The following NCOR2 variants were observed in gnomAD, a reference collection of about 807,000 sequenced individuals.
The protein encoded by NCOR2 is nuclear receptor corepressor 2, also known as CTG repeat protein 26.
In NCOR2, 81 loss-of-function variants were observed where a neutral mutation model predicts 262.9. That is an observed-to-expected ratio of 0.31 (90% confidence interval 0.26 to 0.37). NCOR2 has a LOEUF of 0.37. Ranked by LOEUF, NCOR2 falls within the 10% of genes least tolerant of loss-of-function variation. The pLI is 1.00. For synonymous variants in NCOR2, 1,659 were observed against 1,559.3 expected, an observed-to-expected ratio of 1.06 and a Z score of -1.51; for missense variants, 3,385 against 3,621.4, an observed-to-expected ratio of 0.93 and a Z score of 1.68.
chr12:124,559,995 C>T (rs2052016256), intron 1 of NCOR2, among the ~76,000 whole-genome samples: 1 of 152,220 alleles, frequency 6.6e-6, no homozygotes, highest in Non-Finnish European at 1.5e-5. Context: ...TTTCCTACTG[C>T]ATTCTACAAC....
At chr12:124,354,027 G>T (rs899781662) in intron 27 of NCOR2, 66 bp downstream of exon 29, 8 of 1,414,182 alleles carry the variant, frequency 5.7e-6, no homozygotes, top group Non-Finnish European at 7.8e-6. Context: ...ACAATGAGGG[G>T]TTATAAGATG....
At chr12:124,479,480 GACACACACAGGCACATGCGCGCATAC>G (rs1443291693) in intron 3 of NCOR2, among the ~76,000 whole-genome samples, 3 of 145,714 alleles carry the variant, frequency 2.1e-5, no homozygotes, top group African/African-American at 7.6e-5. Flanking sequence ...AACACGCAGG[GACACACACAGGCACATGCGCGCATAC>G]ACACGCACAT....
chr12:124,538,207 G>C (rs1298485788), upstream of NCOR2: 1 of 152,734 alleles, frequency 6.5e-6, no homozygotes, highest in Admixed American at 6.5e-5. Flanking sequence ...AGGGTGTCCC[G>C]GTGGCATGGG....
intron 1 of NCOR2, among the ~76,000 whole-genome samples, chr12:124,524,348 G>C (rs568337195): frequency 2.6e-5 from 4 of 152,136 alleles, no homozygotes; most frequent in Non-Finnish European, 5.9e-5. Context: ...TCTGAGTTTG[G>C]GACATCCCCT....
At chr12:124,417,491 G>A (rs577954913) in intron 13 of NCOR2, among the ~76,000 whole-genome samples, 2 of 152,276 alleles carry the variant, frequency 1.3e-5, no homozygotes, top group South Asian at 2.1e-4. Context: ...CAGCTACCAG[G>A]AAGGGCTCCC....
intron 1 of NCOR2, among the ~76,000 whole-genome samples, chr12:124,510,217 T>G (rs890766651): frequency 6.6e-6 from 1 of 152,204 alleles, no homozygotes; most frequent in Non-Finnish European, 1.5e-5. Flanking sequence ...CAGGCACTGA[T>G]GCACCCCAGC....
chr12:124,538,920 C>G (rs990388715), upstream of NCOR2: 1 of 152,312 alleles, frequency 6.6e-6, no homozygotes, highest in African/African-American at 2.4e-5. Context: ...GGCCAGGAAA[C>G]TGCTGCTCTG....
intron 17 of NCOR2, among the ~76,000 whole-genome samples, chr12:124,381,691 G>T (rs1348709070): frequency 6.6e-6 from 1 of 152,252 alleles, no homozygotes; most frequent in Non-Finnish European, 1.5e-5. Context: ...ACATTTCGTG[G>T]CTGGACCATC....
chr12:124,543,401 C>T (rs933750201), intron 1 of NCOR2, among the ~76,000 whole-genome samples: 6 of 152,250 alleles, frequency 3.9e-5, no homozygotes, highest in Admixed American at 3.9e-4. Flanking sequence ...ACGTGCATCT[C>T]CACTGTCCGG....
intron 1 of NCOR2, among the ~76,000 whole-genome samples, chr12:124,563,503 G>A (rs2052136419): frequency 1.3e-5 from 2 of 152,234 alleles, no homozygotes; most frequent in African/African-American, 4.8e-5. Context: ...GAATGAAGCC[G>A]CCATCTGCCC....
At chr12:124,403,277 T>C (rs2042081328) in intron 13 of NCOR2, among the ~76,000 whole-genome samples, 1 of 152,174 alleles carries the variant, frequency 6.6e-6, no homozygotes. Flanking sequence ...CTCCCTCGCA[T>C]GCCAGCACCC....
intron 16 of NCOR2, among the ~76,000 whole-genome samples, chr12:124,390,623 T>C: frequency 6.6e-6 from 1 of 152,270 alleles, no homozygotes; most frequent in African/African-American, 2.4e-5. Context: ...CCCGTCTGGG[T>C]CCCTGGTAAG....
At chr12:124,339,336 T>C (rs73223568) in intron 37 of NCOR2, among the ~76,000 whole-genome samples, 70,746 of 132,224 alleles carry the variant, frequency 0.54, 19,382 homozygotes, top group Non-Finnish European at 0.61. Flanking sequence ...TCCATCCATC[T>C]GGCTAACTCA....
chr12:124,437,072 C>T (rs149400073), intron 8 of NCOR2, among the ~76,000 whole-genome samples: 216 of 151,368 alleles, frequency 1.4e-3, no homozygotes, highest in South Asian at 2.3e-3. Flanking sequence ...GGTGACAGAG[C>T]GAAACTCCAT....
rs934693146 is a variant in NCOR2 at position 124,504,209 on chromosome 12, A to G, written c.-117-8841T>C. 6.6e-6 allele frequency among the ~76,000 whole-genome samples: 1 copy of G among 152,216 alleles called. No individual in the cohort carries two copies. The highest frequency in any genetic ancestry group is 1.5e-5 in the Non-Finnish European group (1 of 68,026). On this transcript the variant is annotated intron_variant, in intron 1 of 46. Transcript: ENST00000404621. The surrounding 1 kb of genome is among the most constrained non-coding windows in gnomAD (Gnocchi z 4.5). ...GGAATCCTCCTCCTTGACCCCGGGT[A>G]GATGTACAGGGTAGAGATACGTGGG...
chr12:124,457,213 CAG>C lies in NCOR2; in HGVS notation c.706-53_706-52del. On this transcript the variant is annotated intron_variant, in intron 5 of 46. Coordinates refer to ENST00000405201, the Ensembl canonical transcript of NCOR2. The surrounding 1 kb of genome is among the most constrained non-coding windows in gnomAD (Gnocchi z 4.0). ...AATTTTTTTAAAAAACAAAAAAACA[CAG>C]ATTATAAATAGAGGCTTCCCGGAGC... 1 of 1,523,394 alleles carries C rather than the reference CAG, an allele frequency of 6.6e-7. No homozygotes were observed. Among genetic ancestry groups the C allele is most frequent in the Non-Finnish European group, 8.8e-7 (1 of 1,141,236 alleles). The allele number at this position is 1,523,394 out of a possible 1,614,324, so 94.4% of individuals were successfully genotyped here. A position where few individuals can be genotyped will look rare whatever the true frequency, so the allele number is the denominator to read the frequency against.
In NCOR2 at chr12:124,495,090, G is replaced by A. The variant is rs2048313504; in HGVS notation, c.105+57C>T. The A allele has an allele frequency of 3.1e-6, 5 of 1,588,022 alleles. No individual in the cohort carries two copies. In the East Asian group the frequency reaches 9.1e-5, roughly 29 times the overall value. The stretch of plus-strand genomic sequence containing the variant: ...AGAAAGGAAGGGGTGAAGACTCAGT[G>A]GAATGGAAGAAGGGTCTCAAAGGTA... On this transcript the variant is annotated intron_variant, in intron 1 of 46. Coordinates refer to ENST00000405201, the Ensembl canonical transcript of NCOR2. This position sits in a 1 kb window ranked among gnomAD's most constrained non-coding sequence, Gnocchi z 4.4.
At chr12:124,415,520 G>A (rs1485039360) in intron 13 of NCOR2, among the ~76,000 whole-genome samples, 1 of 152,212 alleles carries the variant, frequency 6.6e-6, no homozygotes, top group African/African-American at 2.4e-5. Flanking sequence ...GTGGGGGGTG[G>A]CAGGGCCCAG....
intron 10 of NCOR2, among the ~76,000 whole-genome samples, chr12:124,428,043 C>CTGTG (rs1491282996): frequency 1.8e-3 from 72 of 41,062 alleles, no homozygotes; most frequent in Non-Finnish European, 3.9e-3. Context: ...CCCATGTGGC[C>CTGTG]AGTGTGTGTG....
Sources: allele counts gnomAD v4.1 joint callset (sites outside exome capture counted in the v4.1 genomes callset), GRCh38; gene constraint gnomAD v4.1.1; non-coding constraint Gnocchi (gnomAD v3.1); transcripts MANE v1.5; gene names NCBI Gene and HGNC (gene_info 2026-07-23, HGNC 2026-07-21).